Variants in PLCD3 observed in about 807,000 individuals in gnomAD.
The protein encoded by PLCD3 is 1-phosphatidylinositol 4,5-bisphosphate phosphodiesterase delta-3.
PLCD3 carries 62 observed loss-of-function variants against 82.8 expected under a neutral mutation model. The ratio of observed to expected loss-of-function variants is 0.75; its 90% CI spans 0.61 to 0.93. The LOEUF (loss-of-function observed/expected upper bound fraction) is 0.93, where lower values mean the gene tolerates loss of function less well. Ranked by LOEUF, PLCD3 falls within the 40% of genes least tolerant of loss-of-function variation. PLCD3 has a pLI of 0.00. For missense variants in PLCD3, 1,023 were observed against 1,103.4 expected, an observed-to-expected ratio of 0.93 and a Z score of 1.03; for synonymous variants, 478 against 471.8, an observed-to-expected ratio of 1.01 and a Z score of -0.17.
rs1466936637 is a variant in PLCD3 at position 45,121,387 on chromosome 17, G to A, written c.164-15C>T. On this transcript the variant is annotated splice_polypyrimidine_tract_variant and intron_variant, in intron 1 of 14. Transcript: ENST00000619929. The stretch of plus-strand genomic sequence containing the variant: ...CTCCGTCAGGCCTGGCGGGGCGGGA[G>A]GACCCGGGGCGTCAGGCCGTACCTG... 1.3e-6 allele frequency: 2 copies of A among 1,491,934 alleles called. No homozygotes were observed. 92.4% of individuals were successfully genotyped at this position (1,491,934 alleles called of 1,614,324 possible).
At chr17:45,116,923 G>A (rs1054441983) in intron 7 of PLCD3, 139 bp from the exon 8 acceptor site, 5 of 1,093,804 alleles carry the variant, frequency 4.6e-6, no homozygotes, top group Non-Finnish European at 6.1e-6. Flanking sequence ...GACTGTCCAG[G>A]AGGCTGAGGG....
At position 45,113,203 on chromosome 17, in the gene PLCD3, C is replaced by T; in HGVS notation, c.2050G>A (p.Val684Met). The T allele has an allele frequency of 6.2e-7, 1 of 1,611,482 alleles. No individual in the cohort carries two copies. Among genetic ancestry groups the T allele is most frequent in the African/African-American group, 1.3e-5 (1 of 75,026 alleles). ...KLNAEKPHSI[V>M]DPLVRIEIHG... ...ATCTCAATGCGCACCAGGGGGTCCA[C>T]AATGGAGTGTGGCTTCTCGGCATTC... The change falls in exon 13 of 15, where the codon GTG (valine) becomes ATG (methionine). Residue 684 changes from valine to methionine, a missense_variant. Physicochemically the swap from Val to Met is conservative, Grantham distance 21 (BLOSUM62 1). Coordinates refer to ENST00000619929, the MANE Select transcript of PLCD3 (RefSeq NM_133373.5).
Position 45,118,711 on chromosome 17 carries a change from G to T in PLCD3, c.913+104C>A. ...GGAAGCTGAGTCTGGAGGAGGTGAG[G>T]TAACCTGCCCGAGATGATGCCCGCG... On this transcript the variant is annotated intron_variant, in intron 5 of 14. Coordinates refer to ENST00000619929, the MANE Select transcript of PLCD3 (RefSeq NM_133373.5). The surrounding 1 kb of genome is among the most constrained non-coding windows in gnomAD (Gnocchi z 4.1). 7.9e-7 allele frequency: 1 copy of T among 1,265,704 alleles called. No homozygotes were observed. The allele number at this position is 1,265,704 out of a possible 1,614,324, so 78.4% of individuals were successfully genotyped here.
rs368164667 is a variant in PLCD3 at position 45,121,102 on chromosome 17, G to C, written c.354C>G (p.Arg118=). 6.5e-7 allele frequency: 1 copy of C among 1,530,190 alleles called. No individual in the cohort carries two copies. The highest frequency in any genetic ancestry group is 1.4e-5 in the African/African-American group (1 of 71,644). The allele number at this position is 1,530,190 out of a possible 1,614,324, so 94.8% of individuals were successfully genotyped here. A position where few individuals can be genotyped will look rare whatever the true frequency, so the allele number is the denominator to read the frequency against. The change falls in exon 3 of 15, where the codon CGC becomes CGG. Residue 118 remains arginine, a synonymous_variant. Coordinates refer to ENST00000619929, the MANE Select transcript of PLCD3 (RefSeq NM_133373.5). The part of the protein sequence containing the change: ...IFFVQHIEAV[R]EGHQSEGLRR... The stretch of plus-strand genomic sequence containing the variant: ...GCAGGCCCTCGGACTGGTGGCCCTC[G>C]CGGACCGCCTCGATGTGCTGCACGA...
chr17:45,114,564 C>T (rs1258718353), intron 10 of PLCD3, 198 bp from the exon 11 acceptor site: 2 of 520,848 alleles, frequency 3.8e-6, no homozygotes, highest in Non-Finnish European at 6.7e-6. Flanking sequence ...CACAGCCTGG[C>T]CCTGCATCCC....
intron 4 of PLCD3, 168 bp from the exon 5 acceptor site, chr17:45,119,211 G>A (rs899470743): frequency 3.0e-5 from 19 of 624,968 alleles, no homozygotes; most frequent in Non-Finnish European, 4.7e-5. Flanking sequence ...AAATTACAGG[G>A]CAGGATTTTT....
intron 1 of PLCD3, among the ~76,000 whole-genome samples, chr17:45,121,780 G>A (rs2054343141): frequency 6.6e-6 from 1 of 151,990 alleles, no homozygotes; most frequent in Non-Finnish European, 1.5e-5. Context: ...ACTTGAGGTC[G>A]GGAGTTCGAG....
chr17:45,117,670 T>C (rs546762043), intron 7 of PLCD3, among the ~76,000 whole-genome samples: 1 of 152,240 alleles, frequency 6.6e-6, no homozygotes, highest in Non-Finnish European at 1.5e-5. Context: ...ATGCCACTGG[T>C]GAGCTTCTCT....
chr17:45,117,970 G>A, intron 7 of PLCD3, 24 bp downstream of exon 7: 2 of 1,611,736 alleles, frequency 1.2e-6, no homozygotes, highest in Non-Finnish European at 1.7e-6. Context: ...TGTGGGGCTG[G>A]GGCTGGGCAT....
chr17:45,112,809 G>A, intron 14 of PLCD3, 54 bp downstream of exon 14: 1 of 1,604,266 alleles, frequency 6.2e-7, no homozygotes, highest in Non-Finnish European at 8.5e-7. Flanking sequence ...AGGTGAACAG[G>A]GTCTGCAGGA....
chr17:45,112,719 G>T lies in PLCD3; in HGVS notation c.2282-15C>A, dbSNP rs374666487. The stretch of plus-strand genomic sequence containing the variant: ...GTGGCGGTACCCTGTAGGGAGGACA[G>T]CCAGGCCTCAGGTCCTCTGTGCACC... On this transcript the variant is annotated splice_polypyrimidine_tract_variant and intron_variant, in intron 14 of 14. Transcript: ENST00000619929. The T allele has an allele frequency of 6.3e-7, 1 of 1,599,214 alleles. No individual in the cohort carries two copies.
At position 45,118,433 on chromosome 17, in the gene PLCD3, C is replaced by T; in HGVS notation, c.973G>A (p.Gly325Arg). ...GTGTGGGTGTTGTCCAAGGCAGCCC[C>T]CTCCGGCGACAACAGGTACATCATG... ...GFMMYLLSPE[G>R]AALDNTHTCV... is the part of the protein sequence containing the mutation. The change falls in exon 6 of 15, where the codon GGG becomes AGG. Residue 325 changes from glycine (G) to arginine (R), a missense_variant. By Grantham distance (125) the Gly-to-Arg change is moderately radical. Around this residue, in one of 3 missense-constraint regions of PLCD3, gnomAD observed 553 missense variants for 655.7 expected, o/e 0.84. Coordinates refer to ENST00000619929, the MANE Select transcript of PLCD3 (RefSeq NM_133373.5). The surrounding 1 kb of genome is among the most constrained non-coding windows in gnomAD (Gnocchi z 4.1). 3 of 1,613,974 alleles carry T rather than the reference C, an allele frequency of 1.9e-6. No homozygotes were observed. Among genetic ancestry groups the T allele is most frequent in the Non-Finnish European group, 2.5e-6 (3 of 1,179,876 alleles).
In PLCD3 at chr17:45,113,024, G is replaced by A. The variant is rs372655091; in HGVS notation, c.2132-12C>T. On this transcript the variant is annotated splice_polypyrimidine_tract_variant and intron_variant, in intron 13 of 14. Transcript: ENST00000619929. ...GCGGGGGTTGAAGCCTAGGGCACAG[G>A]GATGGCAGTCAGAGCCCAGGGGCCC... 4.4e-6 allele frequency: 7 copies of A among 1,602,452 alleles called. No individual in the cohort carries two copies. Among genetic ancestry groups the A allele is most frequent in the South Asian group, 1.1e-5 (1 of 89,616 alleles).
At chr17:45,115,050 C>A in intron 10 of PLCD3, 44 bp downstream of exon 10, 2 of 1,558,846 alleles carry the variant, frequency 1.3e-6, no homozygotes, top group Non-Finnish European at 8.7e-7. Flanking sequence ...TTCAGGAGGT[C>A]TCTCACCCTC....
chr17:45,115,034 ACT>A (rs2054277542), intron 10 of PLCD3, 58 bp downstream of exon 10: 1 of 1,533,240 alleles, frequency 6.5e-7, no homozygotes, highest in Non-Finnish European at 8.8e-7. Context: ...TCCTTTCCAG[ACT>A]CCCTTCAGGA....
At position 45,112,421 on chromosome 17, in the gene PLCD3, C is replaced by T. The variant is rs1598025667; in HGVS notation, c.*195G>A. 1 of 630,862 alleles carries T rather than the reference C, an allele frequency of 1.6e-6. No homozygotes were observed. Among genetic ancestry groups the T allele is most frequent in the East Asian group, 2.8e-5 (1 of 36,040 alleles). 39.1% of individuals were successfully genotyped at this position (630,862 alleles called of 1,614,324 possible). The stretch of plus-strand genomic sequence containing the variant: ...GGAGCTCACTGAAGTCACATGAACA[C>T]CTTTCTGTTCTTCAGGAGGGGCCCA... On this transcript the variant is annotated 3_prime_UTR_variant, in exon 15 of 15. Coordinates refer to ENST00000619929, the MANE Select transcript of PLCD3 (RefSeq NM_133373.5).
Position 45,113,005 on chromosome 17 carries a change from G to A in PLCD3, c.2139C>T (p.Asn713=). 2.5e-6 allele frequency: 4 copies of A among 1,605,772 alleles called. No individual in the cohort carries two copies. Among genetic ancestry groups the A allele is most frequent in the Non-Finnish European group, 3.4e-6 (4 of 1,175,040 alleles). ...ACTGCAGGGTCTGCCCCCAGCGGGGGTTGAAGCCTAGGGCACAGGGATGGC... is the reference window on the plus strand; with the variant it reads ...ACTGCAGGGTCTGCCCCCAGCGGGGATTGAAGCCTAGGGCACAGGGATGGC... The part of the protein sequence containing the change: ...ETDYVLNNGF[N]PRWGQTLQFQ... The change falls in exon 14 of 15, where the codon AAC becomes AAT. Residue 713 remains asparagine, a synonymous_variant. Transcript: ENST00000619929.
chr17:45,129,691 G>A (rs1567885383), intron 1 of PLCD3, among the ~76,000 whole-genome samples: 2 of 152,224 alleles, frequency 1.3e-5, no homozygotes, highest in African/African-American at 4.8e-5. Flanking sequence ...AGTGCCTCAC[G>A]CATGGCGGGT....
At chr17:45,113,679 T>C (rs533136384) in intron 11 of PLCD3, 74 bp from the exon 12 acceptor site, 1 of 1,502,538 alleles carries the variant, frequency 6.7e-7, no homozygotes, top group South Asian at 1.3e-5. Context: ...GGGGACTGCA[T>C]TCCTCTCTAC....
Sources: gnomAD v4.1 joint callset for allele counts (sites outside exome capture counted in the v4.1 genomes callset) on GRCh38, gnomAD v4.1.1 for gene constraint, gnomAD v4.1.1 regional missense constraint, Gnocchi (gnomAD v3.1) non-coding constraint, MANE v1.5 for transcripts, NCBI Gene and HGNC (gene_info 2026-07-23, HGNC 2026-07-21) for gene names.